PTPRD: variants seen among roughly 807,000 people sequenced by gnomAD.
PTPRD encodes the protein receptor-type tyrosine-protein phosphatase delta.
Under a neutral mutation model 214.5 loss-of-function variants are expected in PTPRD, and 34 were observed. That is an observed-to-expected ratio of 0.16 (90% CI 0.12 to 0.21). The LOEUF (loss-of-function observed/expected upper bound fraction) is 0.21. PTPRD is among the 10% of genes least tolerant of loss of function. The pLI is 1.00. For missense variants in PTPRD, 2,545 were observed against 2,398.7 expected, an observed-to-expected ratio of 1.06 and a Z score of -1.27; for synonymous variants, 1,128 against 845.7, an observed-to-expected ratio of 1.33 and a Z score of -5.79.
intron 5 of PTPRD, among the ~76,000 whole-genome samples, chr9:9,831,428 G>A (rs970355204): frequency 4.6e-5 from 7 of 151,924 alleles, no homozygotes; most frequent in African/African-American, 1.7e-4. Context: ...TATGAGTTTG[G>A]AAAGAGTTAT....
chr9:8,319,422 G>C (rs746411791), intron 45 of PTPRD, among the ~76,000 whole-genome samples: 7 of 151,922 alleles, frequency 4.6e-5, no homozygotes, highest in African/African-American at 1.2e-4. Context: ...ATATAGAAGA[G>C]CTGATACCTC....
intron 3 of PTPRD, among the ~76,000 whole-genome samples, chr9:10,217,086 T>C (rs1427331195): frequency 6.6e-6 from 1 of 152,022 alleles, no homozygotes; most frequent in Non-Finnish European, 1.5e-5. Flanking sequence ...TTGACTCTTC[T>C]GTTCCTTATT....
At position 9,857,477 on chromosome 9, in the gene PTPRD, C is replaced by T. The variant is rs537165734; in HGVS notation, c.-368+81030G>A. ...TTTTTTATTTATCTCAAACCATTTT[C>T]ATCCTCTCCTATAGCCTAATAGAGT... On this transcript the variant is annotated intron_variant, in intron 5 of 45. Transcript: ENST00000381196. Among the ~76,000 whole-genome samples, 16 of 152,308 alleles carry T rather than the reference C, an allele frequency of 1.1e-4. No homozygotes were observed. In the East Asian group the frequency reaches 2.7e-3, roughly 26 times the overall value.
intron 3 of PTPRD, among the ~76,000 whole-genome samples, chr9:10,200,022 G>T (rs1564480487): frequency 6.6e-6 from 1 of 151,650 alleles, no homozygotes; most frequent in Non-Finnish European, 1.5e-5. Flanking sequence ...AGCATACTAA[G>T]GTTTTTTACT....
intron 3 of PTPRD, among the ~76,000 whole-genome samples, chr9:10,233,931 G>T (rs767289065): frequency 1.3e-5 from 2 of 151,824 alleles, no homozygotes; most frequent in African/African-American, 2.4e-5. Flanking sequence ...GTGCCCATGT[G>T]CATTCTTCTA....
chr9:9,502,374 C>T (rs965798637), intron 8 of PTPRD, among the ~76,000 whole-genome samples: 1 of 151,722 alleles, frequency 6.6e-6, no homozygotes. Flanking sequence ...TAGTGATTAT[C>T]TTTCTGTATC....
At chr9:9,317,675 T>G (rs2135811701) in intron 9 of PTPRD, among the ~76,000 whole-genome samples, 1 of 152,252 alleles carries the variant, frequency 6.6e-6, no homozygotes, top group East Asian at 1.9e-4. Context: ...GTTTTGATTG[T>G]TATTCCATGT....
At chr9:9,816,824 T>C (rs933846557) in intron 5 of PTPRD, among the ~76,000 whole-genome samples, 7 of 152,046 alleles carry the variant, frequency 4.6e-5, no homozygotes, top group African/African-American at 1.7e-4. Context: ...TAGTAAGAGC[T>C]GGATCTCTCT....
chr9:9,231,833 C>A (rs373435183), intron 9 of PTPRD, among the ~76,000 whole-genome samples: 1 of 152,080 alleles, frequency 6.6e-6, no homozygotes. Flanking sequence ...CTGCACCCGT[C>A]AACTCATCAT....
rs2097820500 is a variant in PTPRD, at chr9:8,518,161, T to C, written c.1230A>G (p.Thr410=). 1.2e-6 allele frequency: 2 copies of C among 1,614,052 alleles called. No homozygotes were observed. Among genetic ancestry groups the C allele is most frequent in the Non-Finnish European group, 1.7e-6 (2 of 1,180,040 alleles). ...TGGATGGTGCTTGCTCTGAGGTTTGTGTTAGCACAGGTTCGCTGGGAGGCC... is the reference window on the plus strand; with the variant it reads ...TGGATGGTGCTTGCTCTGAGGTTTGCGTTAGCACAGGTTCGCTGGGAGGCC... ...GRGPPSEPVL[T]QTSEQAPSSA... Residue 410 remains threonine (T), a synonymous_variant, in exon 21 of 46, where the codon ACA becomes ACG. Coordinates refer to ENST00000381196, the MANE Select transcript of PTPRD (RefSeq NM_002839.4).
chr9:9,715,478 A>T (rs1022818869), intron 7 of PTPRD, among the ~76,000 whole-genome samples: 1 of 152,206 alleles, frequency 6.6e-6, no homozygotes, highest in African/African-American at 2.4e-5. Flanking sequence ...GAAATAAAAA[A>T]ATAAAAAATA....
intron 2 of PTPRD, among the ~76,000 whole-genome samples, chr9:10,379,427 A>G (rs1400155494): frequency 6.6e-6 from 1 of 151,992 alleles, no homozygotes; most frequent in African/African-American, 2.4e-5. Flanking sequence ...AAAAGTTAGC[A>G]TCCTTGTTGC....
At chr9:9,231,251 C>T (rs1438587719) in intron 9 of PTPRD, among the ~76,000 whole-genome samples, 1 of 151,944 alleles carries the variant, frequency 6.6e-6, no homozygotes, top group African/African-American at 2.4e-5. Context: ...TCCTTTGTAC[C>T]CAAGAAAACA....
intron 36 of PTPRD, among the ~76,000 whole-genome samples, chr9:8,391,194 C>A (rs2089419737): frequency 6.6e-6 from 1 of 151,876 alleles, no homozygotes. Flanking sequence ...TGTTATATTT[C>A]ACTGATTGCC....
In PTPRD at chr9:8,963,010, G is replaced by A. The variant is rs1361846414; in HGVS notation, c.-104+55687C>T. Reference sequence around the variant, plus strand: ...TAGCCTTGAGCTAGAAACAATAAATGTCCACCAAGAGTAAAATGTATAAAA... The same window carrying A: ...TAGCCTTGAGCTAGAAACAATAAATATCCACCAAGAGTAAAATGTATAAAA... On this transcript the variant is annotated intron_variant, in intron 11 of 45. Coordinates refer to ENST00000381196, the MANE Select transcript of PTPRD (RefSeq NM_002839.4). The A allele has an allele frequency of 3.3e-5, 5 of 151,950 alleles. 1 individual carries two copies. Among genetic ancestry groups the A allele is most frequent in the African/African-American group, 1.2e-4 (5 of 41,374 alleles). 9.4% of individuals were successfully genotyped at this position (151,950 alleles called of 1,614,324 possible).
intron 2 of PTPRD, among the ~76,000 whole-genome samples, chr9:10,591,243 T>C (rs1468036753): frequency 6.6e-6 from 1 of 151,880 alleles, no homozygotes; most frequent in African/African-American, 2.4e-5. Context: ...ATTTATATTA[T>C]TTTTTGTTGG....
chr9:10,182,894 G>C (rs1347154380), intron 3 of PTPRD, among the ~76,000 whole-genome samples: 4 of 152,108 alleles, frequency 2.6e-5, no homozygotes, highest in East Asian at 1.9e-4. Context: ...GAAGACAGCA[G>C]TTAAATGACA....
intron 33 of PTPRD, among the ~76,000 whole-genome samples, chr9:8,455,013 T>C (rs1003610271): frequency 6.6e-6 from 1 of 152,178 alleles, no homozygotes; most frequent in Non-Finnish European, 1.5e-5. Flanking sequence ...AAGAAATTCG[T>C]TCATTTAAAA....
At chr9:10,415,597 C>G (rs889089299) in intron 2 of PTPRD, among the ~76,000 whole-genome samples, 2 of 151,814 alleles carry the variant, frequency 1.3e-5, no homozygotes, top group Admixed American at 6.6e-5. Context: ...ACTCCTAGAG[C>G]TAGGCAATTA....
Sources: gnomAD v4.1 joint callset for allele counts (sites outside exome capture counted in the v4.1 genomes callset) on GRCh38, gnomAD v4.1.1 for gene constraint, MANE v1.5 for transcripts, NCBI Gene and HGNC (gene_info 2026-07-23, HGNC 2026-07-21) for gene names.